The following FLVCR2 variants were observed in gnomAD, a reference collection of about 807,000 sequenced individuals.
FLVCR2 encodes choline/ethanolamine transporter FLVCR2.
Under a neutral mutation model 48.9 loss-of-function variants are expected in FLVCR2, and 38 were observed. The ratio of observed to expected loss-of-function variants is 0.78; its 90% confidence interval spans 0.60 to 1.02. The LOEUF (loss-of-function observed/expected upper bound fraction) is 1.02. FLVCR2 is among the 50% of genes least tolerant of loss of function. FLVCR2 has a pLI of 0.00. For missense variants in FLVCR2, 664 were observed against 663.3 expected (o/e 1.00, Z -0.01); for synonymous variants, 255 against 257.0 (o/e 0.99, Z 0.07).
chr14:75,583,069 T>C (rs1361800208), intron 1 of FLVCR2, among the ~76,000 whole-genome samples: 5 of 152,174 alleles, frequency 3.3e-5, no homozygotes, highest in African/African-American at 9.7e-5. Context: ...CTGAGGCTGA[T>C]GGGCATCAGG....
intron 1 of FLVCR2, among the ~76,000 whole-genome samples, chr14:75,597,987 C>A (rs1477775074): frequency 6.6e-6 from 1 of 152,062 alleles, no homozygotes; most frequent in African/African-American, 2.4e-5. Context: ...GAGCCATATT[C>A]TTGTCAGGGC....
At chr14:75,633,738 A>G in intron 4 of FLVCR2, 42 bp downstream of exon 4, 1 of 1,479,558 alleles carries the variant, frequency 6.8e-7, no homozygotes, top group Non-Finnish European at 9.5e-7. Flanking sequence ...AAGATGATAT[A>G]GTTTCTAAGT....
intron 1 of FLVCR2, among the ~76,000 whole-genome samples, chr14:75,594,841 C>A (rs1201526658): frequency 2.0e-5 from 3 of 152,060 alleles, no homozygotes; most frequent in Non-Finnish European, 2.9e-5. Context: ...GCCTCAGGCT[C>A]CAGAGTAGCT....
At chr14:75,606,634 G>A (rs1385884510) in intron 1 of FLVCR2, among the ~76,000 whole-genome samples, 2 of 152,140 alleles carry the variant, frequency 1.3e-5, no homozygotes, top group East Asian at 1.9e-4. Flanking sequence ...TGCTGCATGA[G>A]CCCCTGCACC....
At chr14:75,638,351 C>A (rs945553538) in intron 5 of FLVCR2, among the ~76,000 whole-genome samples, 4 of 152,030 alleles carry the variant, frequency 2.6e-5, no homozygotes, top group Non-Finnish European at 4.4e-5. Context: ...GCAGAAGAAT[C>A]GCTTGAACCC....
intron 3 of FLVCR2, among the ~76,000 whole-genome samples, chr14:75,625,856 A>G (rs1889889137): frequency 6.6e-6 from 1 of 151,990 alleles, no homozygotes; most frequent in Admixed American, 6.5e-5. Context: ...TGTTGGTACT[A>G]AAATTATCCC....
chr14:75,645,393 C>T (rs945446074), intron 9 of FLVCR2, among the ~76,000 whole-genome samples: 4 of 152,104 alleles, frequency 2.6e-5, no homozygotes, highest in East Asian at 1.9e-4. Context: ...AGGTCACAGA[C>T]AAAGTACTTC....
At chr14:75,609,772 C>T (rs944483198) in intron 1 of FLVCR2, among the ~76,000 whole-genome samples, 1 of 152,170 alleles carries the variant, frequency 6.6e-6, no homozygotes, top group Non-Finnish European at 1.5e-5. Context: ...GGATTAGAAA[C>T]ATTGGTCGTC....
At chr14:75,641,765 GA>G in intron 8 of FLVCR2, 77 bp from the exon 9 acceptor site, 2 of 1,327,010 alleles carry the variant, frequency 1.5e-6, no homozygotes, top group South Asian at 2.4e-5. Context: ...TGACCCTTAG[GA>G]AATGAAGGTT....
At chr14:75,626,871 T>C (rs1198562823) in intron 3 of FLVCR2, among the ~76,000 whole-genome samples, 1 of 151,916 alleles carries the variant, frequency 6.6e-6, no homozygotes, top group African/African-American at 2.4e-5. Flanking sequence ...AACAAGAGGA[T>C]ATTTGAGGCC....
chr14:75,613,320 A>G (rs985105760), intron 1 of FLVCR2, among the ~76,000 whole-genome samples: 1 of 152,000 alleles, frequency 6.6e-6, no homozygotes, highest in Non-Finnish European at 1.5e-5. Flanking sequence ...GCAATGATGG[A>G]GCTAGGGTGT....
chr14:75,637,962 A>T (rs1322568150), intron 5 of FLVCR2, among the ~76,000 whole-genome samples: 1 of 151,998 alleles, frequency 6.6e-6, no homozygotes, highest in Non-Finnish European at 1.5e-5. Flanking sequence ...CTGAAATAGA[A>T]ACCAAGACTT....
chr14:75,622,307 C>A, intron 2 of FLVCR2, 87 bp downstream of exon 2: 2 of 1,239,886 alleles, frequency 1.6e-6, no homozygotes, highest in Non-Finnish European at 2.4e-6. Context: ...TGTGAACATG[C>A]CCTGAAATAC....
In FLVCR2 at chr14:75,648,081, C is replaced by G. The variant is rs1449542716; in HGVS notation, c.*1609C>G. 6.6e-6 allele frequency: 1 copy of G among 152,616 alleles called. No individual in the cohort carries two copies. The highest frequency in any genetic ancestry group is 1.5e-5 in the Non-Finnish European group (1 of 68,036). 9.5% of individuals were successfully genotyped at this position (152,616 alleles called of 1,614,324 possible). Reference sequence around the variant, plus strand: ...CAAAAGGTATTAACAAAATGTTTACCAAACCTATTGCTTTATTTTAAAAAC... The same window carrying G: ...CAAAAGGTATTAACAAAATGTTTACGAAACCTATTGCTTTATTTTAAAAAC... On this transcript the variant is annotated 3_prime_UTR_variant, in exon 10 of 10. Coordinates refer to ENST00000238667, the MANE Select transcript of FLVCR2 (RefSeq NM_017791.3).
At chr14:75,582,849 A>C (rs1888644083) in intron 1 of FLVCR2, among the ~76,000 whole-genome samples, 2 of 152,234 alleles carry the variant, frequency 1.3e-5, no homozygotes, top group Admixed American at 1.3e-4. Flanking sequence ...CAAAGGCGGA[A>C]GTACCTAACC....
At chr14:75,631,819 T>C (rs1319727944) in intron 3 of FLVCR2, 2 of 455,910 alleles carry the variant, frequency 4.4e-6, no homozygotes, top group East Asian at 6.9e-5. Flanking sequence ...ACTTTCTAAG[T>C]GGCTGAGTAT....
intron 3 of FLVCR2, among the ~76,000 whole-genome samples, chr14:75,627,696 A>G (rs980301097): frequency 6.6e-6 from 1 of 152,224 alleles, no homozygotes; most frequent in African/African-American, 2.4e-5. Flanking sequence ...GAAAAGCCCT[A>G]TTGCCAGGGC....
chr14:75,633,812 T>C (rs1890102148), intron 4 of FLVCR2, 116 bp downstream of exon 4: 2 of 826,902 alleles, frequency 2.4e-6, no homozygotes, highest in East Asian at 4.8e-5. Flanking sequence ...GGTAGGGTGA[T>C]ATGGTGGTAT....
At chr14:75,618,607 T>C (rs1221424016) in intron 1 of FLVCR2, among the ~76,000 whole-genome samples, 3 of 152,226 alleles carry the variant, frequency 2.0e-5, no homozygotes, top group Non-Finnish European at 2.9e-5. Flanking sequence ...CCAGGAAAGA[T>C]GCCAAATGCT....
Sources: allele counts gnomAD v4.1 joint callset (sites outside exome capture counted in the v4.1 genomes callset), GRCh38; gene constraint gnomAD v4.1.1; transcripts MANE v1.5; gene names NCBI Gene and HGNC (gene_info 2026-07-23, HGNC 2026-07-21).